PKM: variants seen among roughly 807,000 people sequenced by gnomAD.
The protein encoded by PKM is pyruvate kinase PKM.
A neutral mutation model predicts 49.8 loss-of-function variants in PKM; 18 were observed. The observed-to-expected ratio is 0.36, with a 90% CI of 0.25 to 0.54. The LOEUF (loss-of-function observed/expected upper bound fraction) is 0.54. PKM is among the 20% of genes least tolerant of loss of function. The pLI, the probability that PKM is intolerant of heterozygous loss-of-function variation, is 0.89. For synonymous variants in PKM, 239 were observed against 261.8 expected, an observed-to-expected ratio of 0.91 and a Z score of 0.84; for missense variants, 508 against 713.8, an observed-to-expected ratio of 0.71 and a Z score of 3.28.
intron 2 of PKM, among the ~76,000 whole-genome samples, chr15:72,218,736 T>G (rs920602729): frequency 6.6e-6 from 1 of 152,172 alleles, no homozygotes; most frequent in Non-Finnish European, 1.5e-5. Flanking sequence ...TTTTGAAATG[T>G]CTAATACTCT....
Position 72,207,311 on chromosome 15 carries a change from T to C in PKM, c.837-34A>G, listed in dbSNP as rs8192415. On this transcript the variant is annotated intron_variant, in intron 6 of 10. Coordinates refer to ENST00000335181, the MANE Select transcript of PKM (RefSeq NM_002654.6). The stretch of plus-strand genomic sequence containing the variant: ...CAAAGTTGGGGGGAGAGAGGTTATA[T>C]AGAACAGAGGCCACAAGTATGGCAG... 3.1e-5 allele frequency: 49 copies of C among 1,604,962 alleles called. No individual in the cohort carries two copies. In the African/African-American group the frequency reaches 6.0e-4, roughly 20 times the overall value.
intron 1 of PKM, chr15:72,221,306 A>C: frequency 7.0e-7 from 1 of 1,430,794 alleles, no homozygotes; most frequent in Non-Finnish European, 9.5e-7. Context: ...TTAAGGAAAA[A>C]GCTGAGTGTA....
chr15:72,220,970 G>T (rs1240857932), intron 1 of PKM, among the ~76,000 whole-genome samples: 2 of 152,212 alleles, frequency 1.3e-5, no homozygotes, highest in African/African-American at 4.8e-5. Context: ...AGGCCAACTG[G>T]AACACAAAGG....
At chr15:72,203,332 G>A in intron 8 of PKM, 1 of 720,876 alleles carries the variant, frequency 1.4e-6, no homozygotes, top group Non-Finnish European at 2.4e-6. Flanking sequence ...CCTTCAGGCA[G>A]ATGCAGAGGT....
chr15:72,216,262 T>C (rs1198663714), intron 3 of PKM, among the ~76,000 whole-genome samples: 2 of 152,254 alleles, frequency 1.3e-5, no homozygotes, highest in Non-Finnish European at 2.9e-5. Context: ...TTGCCTCTTC[T>C]GTAATTCCTC....
At chr15:72,214,955 T>C (rs2082341548) in intron 3 of PKM, among the ~76,000 whole-genome samples, 1 of 151,464 alleles carries the variant, frequency 6.6e-6, no homozygotes. Flanking sequence ...GCTCACGCCT[T>C]TAGGAGGCCG....
chr15:72,200,814 C>G lies in PKM; in HGVS notation c.1308-159G>C, dbSNP rs2081927175. ...GACCCCTCCCGAGGCTCGGGCAGCC[C>G]CTCATCCTATATCCCCCACAGCATG... On this transcript the variant is annotated intron_variant, in intron 9 of 10. Coordinates refer to ENST00000335181, the MANE Select transcript of PKM (RefSeq NM_002654.6). The surrounding 1 kb of genome is among the most constrained non-coding windows in gnomAD (Gnocchi z 4.6). 3.2e-6 allele frequency: 2 copies of G among 621,602 alleles called. No homozygotes were observed. Among genetic ancestry groups the G allele is most frequent in the Admixed American group, 5.9e-5 (2 of 34,038 alleles). 38.5% of individuals were successfully genotyped at this position (621,602 alleles called of 1,614,324 possible).
chr15:72,219,214 C>T (rs566870021), intron 1 of PKM, 104 bp from the exon 2 acceptor site: 73 of 1,039,404 alleles, frequency 7.0e-5, no homozygotes, highest in South Asian at 1.0e-4. Context: ...TCAATAAGCA[C>T]GCTTTGTACA....
rs1430132292 is a variant in PKM, at chr15:72,202,120, G to A, written c.1307+334C>T. ...AAAGAGCACATAGTAACTGGAATAAGCAAAAGTGGTTATCTTTTACAATTT... is the reference window on the plus strand; with the variant it reads ...AAAGAGCACATAGTAACTGGAATAAACAAAAGTGGTTATCTTTTACAATTT... On this transcript the variant is annotated intron_variant, in intron 9 of 10. Coordinates refer to ENST00000335181, the MANE Select transcript of PKM (RefSeq NM_002654.6). This position sits in a 1 kb window ranked among gnomAD's most constrained non-coding sequence, Gnocchi z 4.5. 8.2e-6 allele frequency: 3 copies of A among 365,664 alleles called. No individual in the cohort carries two copies. The highest frequency in any genetic ancestry group is 1.5e-5 in the Non-Finnish European group (3 of 194,376). The allele number at this position is 365,664 out of a possible 1,614,324, so 22.7% of individuals were successfully genotyped here. A position where few individuals can be genotyped will look rare whatever the true frequency, so the allele number is the denominator to read the frequency against.
chr15:72,217,257 A>G (rs1343736488), intron 3 of PKM, 152 bp downstream of exon 3: 3 of 654,686 alleles, frequency 4.6e-6, no homozygotes, highest in Non-Finnish European at 8.3e-6. Context: ...AGAGGGAAGG[A>G]GAGTAGGGAT....
Position 72,200,366 on chromosome 15 carries a change from G to T in PKM, c.1489+108C>A. On this transcript the variant is annotated intron_variant, in intron 10 of 10. Coordinates refer to ENST00000335181, the MANE Select transcript of PKM (RefSeq NM_002654.6). This position sits in a 1 kb window ranked among gnomAD's most constrained non-coding sequence, Gnocchi z 4.6. ...TCGCTGGGCCTTTTGCCCCACTAAGGTCTGTGTGTTCCCCTTTCTATTCCC... is the reference window on the plus strand; with the variant it reads ...TCGCTGGGCCTTTTGCCCCACTAAGTTCTGTGTGTTCCCCTTTCTATTCCC... 1.0e-6 allele frequency: 1 copy of T among 975,114 alleles called. No homozygotes were observed. Among genetic ancestry groups the T allele is most frequent in the Non-Finnish European group, 1.6e-6 (1 of 620,050 alleles). 60.4% of individuals were successfully genotyped at this position (975,114 alleles called of 1,614,324 possible).
Position 72,200,325 on chromosome 15 carries a change from T to A in PKM, c.1489+149A>T. On this transcript the variant is annotated intron_variant, in intron 10 of 10. Transcript: ENST00000335181. The surrounding 1 kb of genome is among the most constrained non-coding windows in gnomAD (Gnocchi z 4.6). ...AGAGATTCAGAATGAACATTCCCAA[T>A]AAGGGAGAGGAACAGTCGCTGGGCC... The A allele has an allele frequency of 1.4e-6, 1 of 732,772 alleles. No homozygotes were observed. The highest frequency in any genetic ancestry group is 2.7e-5 in the East Asian group (1 of 37,232). 45.4% of individuals were successfully genotyped at this position (732,772 alleles called of 1,614,324 possible).
chr15:72,228,595 T>C, intron 1 of PKM: 1 of 1,266,564 alleles, frequency 7.9e-7, no homozygotes, highest in Non-Finnish European at 1.0e-6. Flanking sequence ...GATAATTCTC[T>C]CAAAAGCAGA....
chr15:72,202,175 C>A lies in PKM; in HGVS notation c.1307+279G>T, dbSNP rs773043829. 1.6e-5 allele frequency: 8 copies of A among 490,348 alleles called. No homozygotes were observed. Among genetic ancestry groups the A allele is most frequent in the Non-Finnish European group, 3.0e-5 (8 of 271,006 alleles). The allele number at this position is 490,348 out of a possible 1,614,324, so 30.4% of individuals were successfully genotyped here. On this transcript the variant is annotated intron_variant, in intron 9 of 10. Coordinates refer to ENST00000335181, the MANE Select transcript of PKM (RefSeq NM_002654.6). This position sits in a 1 kb window ranked among gnomAD's most constrained non-coding sequence, Gnocchi z 4.5. ...GGACTAAATTTTCAATATCAAATAA[C>A]CATTTGTAGTCAGCCTGTGCACTGT...
rs548240358 is a variant in PKM at position 72,208,751 on chromosome 15, C to T, written c.706G>A (p.Asp236Asn). ...AATGACGCAAACACCATATCAACATCCTGCTCGACCCCAAACTTCAGATCC... is the reference window on the plus strand; with the variant it reads ...AATGACGCAAACACCATATCAACATTCTGCTCGACCCCAAACTTCAGATCC... ...IQDLKFGVEQDVDMVFASFIR... is the reference protein window; with the variant it reads ...IQDLKFGVEQNVDMVFASFIR... Residue 236 changes from aspartate to asparagine, a missense_variant, in exon 6 of 11, where the codon GAT becomes AAT. Physicochemically the swap from Asp to Asn is conservative, Grantham distance 23. Transcript: ENST00000335181. 6.1e-5 allele frequency: 99 copies of T among 1,614,182 alleles called. 1 individual carries two copies. In the South Asian group the frequency reaches 8.3e-4, roughly 14 times the overall value.
intron 8 of PKM, among the ~76,000 whole-genome samples, chr15:72,206,061 C>T (rs1398706636): frequency 1.3e-5 from 2 of 152,244 alleles, no homozygotes; most frequent in East Asian, 3.8e-4. Context: ...AGCCACCCTC[C>T]CCGCTGTCTC....
chr15:72,206,708 G>C lies in PKM; in HGVS notation c.1140+20C>G, dbSNP rs749686879. On this transcript the variant is annotated intron_variant, in intron 8 of 10. Transcript: ENST00000335181. ...GCCCAGTCCGAAGCCCTGGGGGATG[G>C]GGCAGGCCCCAGAACTCACCAGGTG... The C allele has an allele frequency of 8.7e-6, 14 of 1,611,868 alleles. No individual in the cohort carries two copies. The highest frequency in any genetic ancestry group is 1.1e-5 in the South Asian group (1 of 91,008).
At chr15:72,220,944 T>C (rs2082505112) in intron 1 of PKM, among the ~76,000 whole-genome samples, 2 of 152,244 alleles carry the variant, frequency 1.3e-5, no homozygotes, top group Admixed American at 1.3e-4. Context: ...GGAACATTAC[T>C]GAGAGATGGC....
intron 3 of PKM, among the ~76,000 whole-genome samples, chr15:72,214,852 G>C (rs1469965324): frequency 6.6e-6 from 1 of 152,074 alleles, no homozygotes; most frequent in Non-Finnish European, 1.5e-5. Flanking sequence ...GGAACCACAT[G>C]TTCAGCAAGA....
Sources: gnomAD v4.1 joint callset for allele counts (sites outside exome capture counted in the v4.1 genomes callset) on GRCh38, gnomAD v4.1.1 for gene constraint, Gnocchi (gnomAD v3.1) non-coding constraint, MANE v1.5 for transcripts, NCBI Gene and HGNC (gene_info 2026-07-23, HGNC 2026-07-21) for gene names.